Variants in MRAP2 observed in about 807,000 individuals in gnomAD.
MRAP2 encodes the protein melanocortin 2 receptor accessory protein 2, also known as melanocortin-2 receptor accessory protein 2.
A neutral mutation model predicts 17.4 loss-of-function variants in MRAP2; 20 were observed. The observed-to-expected ratio is 1.15, with a 90% confidence interval of 0.81 to 1.67. MRAP2 has a LOEUF of 1.67. Among genes scored for constraint, MRAP2 ranks in the 40% most tolerant of loss-of-function variants. The pLI, the probability that MRAP2 is intolerant of heterozygous loss-of-function variation, is 0.00. For synonymous variants in MRAP2, 96 were observed against 88.4 expected, an observed-to-expected ratio of 1.09 and a Z score of -0.48; for missense variants, 238 against 240.0, an observed-to-expected ratio of 0.99 and a Z score of 0.05.
downstream of MRAP2, among the ~76,000 whole-genome samples, chr6:84,094,637 C>T (rs1044694570): frequency 6.6e-6 from 1 of 152,056 alleles, no homozygotes; most frequent in Admixed American, 6.6e-5. Flanking sequence ...TCTGCAGTAC[C>T]TTTAGTATCC....
chr6:84,114,462 G>C, the MRAP2 span, among the ~76,000 whole-genome samples: 1 of 152,000 alleles, frequency 6.6e-6, no homozygotes, highest in Non-Finnish European at 1.5e-5. Flanking sequence ...GGTCATTCTA[G>C]TTAGGAACTC....
intron 1 of MRAP2, among the ~76,000 whole-genome samples, chr6:84,043,012 T>TG (rs1185121737): frequency 6.6e-6 from 1 of 152,228 alleles, no homozygotes; most frequent in African/African-American, 2.4e-5. Context: ...GTGTGCTGTT[T>TG]GGAGACAGAT....
At chr6:84,116,416 G>A in the MRAP2 span, among the ~76,000 whole-genome samples, 1 of 152,172 alleles carries the variant, frequency 6.6e-6, no homozygotes, top group Non-Finnish European at 1.5e-5. Context: ...TGCCATGTAA[G>A]ACATGCCTTT....
intron 1 of MRAP2, chr6:84,052,723 T>C (rs1458910237): frequency 5.2e-6 from 4 of 770,266 alleles, no homozygotes; most frequent in Non-Finnish European, 6.3e-6. Context: ...AGGCAACTGG[T>C]GGCTGCCTGG....
downstream of MRAP2, among the ~76,000 whole-genome samples, chr6:84,092,814 G>C (rs991538041): frequency 2.6e-5 from 4 of 152,100 alleles, no homozygotes; most frequent in Admixed American, 1.3e-4. Context: ...AAAAAAATCT[G>C]CATACAAGTG....
At chr6:84,058,020 C>A (rs575681653) in intron 2 of MRAP2, among the ~76,000 whole-genome samples, 26 of 152,118 alleles carry the variant, frequency 1.7e-4, no homozygotes, top group African/African-American at 6.3e-4. Context: ...TGATAAGAGG[C>A]AGAACAGCAG....
At chr6:84,062,034 G>C in intron 2 of MRAP2, 1 of 985,482 alleles carries the variant, frequency 1.0e-6, no homozygotes, top group Non-Finnish European at 1.2e-6. Flanking sequence ...TCTGCAAGAA[G>C]TAATGAGAGC....
chr6:84,096,834 C>T, the MRAP2 span, among the ~76,000 whole-genome samples: 1 of 152,090 alleles, frequency 6.6e-6, no homozygotes, highest in Non-Finnish European at 1.5e-5. Flanking sequence ...CTGCTTTGAT[C>T]AAGGGTAATT....
chr6:84,142,416 G>A, the MRAP2 span, among the ~76,000 whole-genome samples: 2 of 152,122 alleles, frequency 1.3e-5, no homozygotes, highest in East Asian at 1.9e-4. Flanking sequence ...ATGTGTGTGT[G>A]TATATACGTA....
At chr6:84,076,442 T>C (rs1314061806) in intron 3 of MRAP2, among the ~76,000 whole-genome samples, 1 of 152,124 alleles carries the variant, frequency 6.6e-6, no homozygotes, top group Non-Finnish European at 1.5e-5. Context: ...CAAGCTGGTC[T>C]GGAACTCCTA....
chr6:84,060,374 C>T (rs768919400), intron 2 of MRAP2, among the ~76,000 whole-genome samples: 12 of 152,094 alleles, frequency 7.9e-5, no homozygotes, highest in African/African-American at 1.2e-4. Context: ...GTTGAGGGCA[C>T]GCTTTCCTCC....
At chr6:84,120,638 A>G in the MRAP2 span, among the ~76,000 whole-genome samples, 1 of 152,160 alleles carries the variant, frequency 6.6e-6, no homozygotes, top group Non-Finnish European at 1.5e-5. Flanking sequence ...CGTCATCAAA[A>G]TAGGATATAC....
At chr6:84,097,079 A>G in the MRAP2 span, among the ~76,000 whole-genome samples, 1 of 152,186 alleles carries the variant, frequency 6.6e-6, no homozygotes, top group African/African-American at 2.4e-5. Context: ...TCTCTGTTCA[A>G]AATCCTTCAA....
chr6:84,112,508 G>C, the MRAP2 span, among the ~76,000 whole-genome samples: 4 of 151,766 alleles, frequency 2.6e-5, no homozygotes, highest in African/African-American at 9.7e-5. Flanking sequence ...TTCTTTATTA[G>C]TCTGGCTAGC....
At chr6:84,137,192 T>G in the MRAP2 span, among the ~76,000 whole-genome samples, 1 of 152,246 alleles carries the variant, frequency 6.6e-6, no homozygotes, top group Non-Finnish European at 1.5e-5. Context: ...GAGAATGACT[T>G]GCATTGAAGA....
chr6:84,086,096 A>G (rs1429795272), intron 3 of MRAP2, among the ~76,000 whole-genome samples: 1 of 152,240 alleles, frequency 6.6e-6, no homozygotes, highest in Non-Finnish European at 1.5e-5. Context: ...AACCTAAATA[A>G]CAAATACTGA....
At chr6:84,110,751 G>A in the MRAP2 span, among the ~76,000 whole-genome samples, 2 of 152,118 alleles carry the variant, frequency 1.3e-5, no homozygotes, top group African/African-American at 4.8e-5. Flanking sequence ...ATTTAAGTCT[G>A]TGATCCATCT....
chr6:84,089,587 T>C lies in MRAP2; in HGVS notation c.*106T>C. 2 of 1,282,950 alleles carry C rather than the reference T, an allele frequency of 1.6e-6. No homozygotes were observed. Among genetic ancestry groups the C allele is most frequent in the Non-Finnish European group, 2.2e-6 (2 of 926,168 alleles). 79.5% of individuals were successfully genotyped at this position (1,282,950 alleles called of 1,614,324 possible). A position where few individuals can be genotyped will look rare whatever the true frequency, so the allele number is the denominator to read the frequency against. On this transcript the variant is annotated 3_prime_UTR_variant, in exon 4 of 4. Coordinates refer to ENST00000257776, the MANE Select transcript of MRAP2 (RefSeq NM_138409.4). ...TGTGTGTTTGGGGGAGAGAGAGACA[T>C]AGAGATAGAGACAGAGAGGCAGAGA...
intron 3 of MRAP2, among the ~76,000 whole-genome samples, chr6:84,076,029 G>A (rs1260331476): frequency 2.0e-5 from 3 of 151,986 alleles, no homozygotes; most frequent in Non-Finnish European, 4.4e-5. Flanking sequence ...TATTTTATGT[G>A]TCTGGTTCAG....
Sources: allele counts gnomAD v4.1 joint callset (sites outside exome capture counted in the v4.1 genomes callset), GRCh38; gene constraint gnomAD v4.1.1; transcripts MANE v1.5; gene names NCBI Gene and HGNC (gene_info 2026-07-23, HGNC 2026-07-21).